CX3CL1: variants seen among roughly 807,000 people sequenced by gnomAD.
The protein encoded by CX3CL1 is C-X3-C motif chemokine ligand 1.
In CX3CL1, 1 loss-of-function variant was observed where a neutral mutation model predicts 14.1. The ratio of observed to expected loss-of-function variants is 0.07; its 90% CI spans 0.03 to 0.34. CX3CL1 has a LOEUF of 0.34. Ranked by LOEUF, CX3CL1 falls within the 10% of genes least tolerant of loss-of-function variation. CX3CL1 has a pLI of 0.99. For synonymous variants in CX3CL1, 255 were observed against 229.6 expected (o/e 1.11, Z -1.00); for missense variants, 505 against 536.4 (o/e 0.94, Z 0.58).
At chr16:57,375,475 A>G (rs958638812) in intron 1 of CX3CL1, among the ~76,000 whole-genome samples, 17 of 152,248 alleles carry the variant, frequency 1.1e-4, no homozygotes, top group African/African-American at 4.1e-4. Context: ...CAGCCCCCAA[A>G]ACAAAGAATT....
chr16:57,380,066 G>A (rs759541995), intron 2 of CX3CL1, among the ~76,000 whole-genome samples: 1 of 152,150 alleles, frequency 6.6e-6, no homozygotes, highest in African/African-American at 2.4e-5. Context: ...CCCCACACTC[G>A]AACCCACTAT....
chr16:57,374,147 C>T (rs1251093357), intron 1 of CX3CL1, among the ~76,000 whole-genome samples: 1 of 152,152 alleles, frequency 6.6e-6, no homozygotes, highest in Admixed American at 6.5e-5. Context: ...TGACCAGGCT[C>T]ACCTTGGAAG....
rs1194654332 is a variant in CX3CL1 at position 57,382,262 on chromosome 16, CCTT to C, written c.429_431del (p.Ser144del). 1.2e-6 allele frequency: 2 copies of C among 1,609,234 alleles called. No homozygotes were observed. The highest frequency in any genetic ancestry group is 1.7e-5 in the Admixed American group (1 of 59,854). ...CGAAAGCAGTAGCCTGGAGCCGACT[CCTT>C]CTTCCCAGGAAGCACAGAGGGCCCT... On this transcript the variant is annotated inframe_deletion, in exon 3 of 3. Transcript: ENST00000006053. The surrounding 1 kb of genome is among the most constrained non-coding windows in gnomAD (Gnocchi z 6.9).
Position 57,372,531 on chromosome 16 carries a change from T to G in CX3CL1, c.-38T>G, listed in dbSNP as rs750583203. 4.4e-6 allele frequency: 7 copies of G among 1,600,900 alleles called. No homozygotes were observed. The highest frequency in any genetic ancestry group is 6.0e-6 in the Non-Finnish European group (7 of 1,174,246). On this transcript the variant is annotated 5_prime_UTR_variant, in exon 1 of 3. Transcript: ENST00000006053. The stretch of plus-strand genomic sequence containing the variant: ...GCTCTGCCGCCTGGCTCTAGCCGCC[T>G]GCCTGGCCCCCGCCGGGACTCTTGC...
At chr16:57,381,176 G>A (rs1162312809) in intron 2 of CX3CL1, among the ~76,000 whole-genome samples, 1 of 152,164 alleles carries the variant, frequency 6.6e-6, no homozygotes, top group Non-Finnish European at 1.5e-5. Flanking sequence ...TTCCTCATCT[G>A]TAAAATGGGG....
chr16:57,383,059 T>C lies in CX3CL1; in HGVS notation c.*27T>C, dbSNP rs778394649. ...CTCCTCTGGCCTGTGTCTAGTTGTTTGATTCAGACAGCTGCCTGGGATCCC... is the reference window on the plus strand; with the variant it reads ...CTCCTCTGGCCTGTGTCTAGTTGTTCGATTCAGACAGCTGCCTGGGATCCC... On this transcript the variant is annotated 3_prime_UTR_variant, in exon 3 of 3. Transcript: ENST00000006053. 1.1e-5 allele frequency: 15 copies of C among 1,376,436 alleles called. No homozygotes were observed. The highest frequency in any genetic ancestry group is 1.3e-5 in the Non-Finnish European group (14 of 1,056,448). 85.3% of individuals were successfully genotyped at this position (1,376,436 alleles called of 1,614,324 possible).
At chr16:57,380,055 A>G (rs111677057) in intron 2 of CX3CL1, among the ~76,000 whole-genome samples, 79 of 152,220 alleles carry the variant, frequency 5.2e-4, no homozygotes, top group African/African-American at 1.9e-3. Context: ...AGCACATGTT[A>G]CCCCACACTC....
In CX3CL1 at chr16:57,383,149, G is replaced by A; in HGVS notation, c.*117G>A. The A allele has an allele frequency of 1.0e-6, 1 of 979,722 alleles. No homozygotes were observed. The highest frequency in any genetic ancestry group is 1.4e-6 in the Non-Finnish European group (1 of 728,472). 60.7% of individuals were successfully genotyped at this position (979,722 alleles called of 1,614,324 possible). The stretch of plus-strand genomic sequence containing the variant: ...GCTGGGATGATTGGAGGGGGGAGGT[G>A]GGATCCTCCAGGTGCACAAGCTCCA... On this transcript the variant is annotated 3_prime_UTR_variant, in exon 3 of 3. Transcript: ENST00000006053.
chr16:57,377,821 A>T, intron 1 of CX3CL1: 1 of 152,096 alleles, frequency 6.6e-6, no homozygotes, highest in East Asian at 1.9e-4. Flanking sequence ...CTTGACTCAG[A>T]TCTGAAACTC....
intron 1 of CX3CL1, among the ~76,000 whole-genome samples, chr16:57,374,782 A>G (rs1197610332): frequency 6.6e-6 from 1 of 152,200 alleles, no homozygotes; most frequent in Non-Finnish European, 1.5e-5. Context: ...AGGACACATA[A>G]CACACAAAGT....
chr16:57,376,440 GTGGATGGATGGATGGATGGA>G (rs56202816), intron 1 of CX3CL1, among the ~76,000 whole-genome samples: 3 of 145,218 alleles, frequency 2.1e-5, no homozygotes, highest in African/African-American at 5.1e-5. Flanking sequence ...GAATCAGGAA[GTGGATGGATGGATGGATGGA>G]TGGATGGATG....
chr16:57,383,276 TGCTGCTG>T lies in CX3CL1; in HGVS notation c.*249_*255del. The T allele has an allele frequency of 2.6e-6, 1 of 378,026 alleles. No homozygotes were observed. The highest frequency in any genetic ancestry group is 4.7e-6 in the Non-Finnish European group (1 of 213,576). The allele number at this position is 378,026 out of a possible 1,614,324, so 23.4% of individuals were successfully genotyped here. A position where few individuals can be genotyped will look rare whatever the true frequency, so the allele number is the denominator to read the frequency against. ...TCACCCCAGCCCCAAAACTCTCCTC[TGCTGCTG>T]GCTGGTTAGAGGTTCCCTTTGACGC... On this transcript the variant is annotated 3_prime_UTR_variant, in exon 3 of 3. Coordinates refer to ENST00000006053, the MANE Select transcript of CX3CL1 (RefSeq NM_002996.6).
In CX3CL1 at chr16:57,382,300, C is replaced by G. The variant is rs141389026; in HGVS notation, c.462C>G (p.Ser154=). 1 of 1,606,390 alleles carries G rather than the reference C, an allele frequency of 6.2e-7. No homozygotes were observed. The highest frequency in any genetic ancestry group is 1.1e-5 in the South Asian group (1 of 90,700). The stretch of plus-strand genomic sequence containing the variant: ...AAGCACAGAGGGCCCTGGGGACCTC[C>G]CCAGAGCTGCCGACGGGCGTGACTG... ...SQEAQRALGT[S]PELPTGVTGS... The change falls in exon 3 of 3, where the codon TCC becomes TCG. Residue 154 remains serine (S), a synonymous_variant. Transcript: ENST00000006053. This position sits in a 1 kb window ranked among gnomAD's most constrained non-coding sequence, Gnocchi z 6.9.
rs776630809 is a variant in CX3CL1, at chr16:57,382,660, C to T, written c.822C>T (p.Ala274=). The T allele has an allele frequency of 8.1e-6, 13 of 1,612,674 alleles. No individual in the cohort carries two copies. The highest frequency in any genetic ancestry group is 1.7e-5 in the Admixed American group (1 of 59,916). The change falls in exon 3 of 3, where the codon GCC becomes GCT. Residue 274 remains alanine (A), a synonymous_variant. Transcript: ENST00000006053. This position sits in a 1 kb window ranked among gnomAD's most constrained non-coding sequence, Gnocchi z 6.9. ...EMGPVPAHTD[A]FQDWGPGSMA... is the part of the protein sequence containing the mutation. ...GTCCCGTGCCAGCGCACACGGATGCCTTCCAGGACTGGGGGCCTGGCAGCA... is the reference window on the plus strand; with the variant it reads ...GTCCCGTGCCAGCGCACACGGATGCTTTCCAGGACTGGGGGCCTGGCAGCA...
Position 57,385,038 on chromosome 16 carries a change from T to C in CX3CL1, c.*2006T>C, listed in dbSNP as rs2146518807. On this transcript the variant is annotated 3_prime_UTR_variant, in exon 3 of 3. Coordinates refer to ENST00000006053, the MANE Select transcript of CX3CL1 (RefSeq NM_002996.6). ...ATTTTACTAATAAAATTTAAAAGTC[T>C]TGTGAATCAATATGGGTGATTTCTC... 1 of 152,300 alleles carries C rather than the reference T, an allele frequency of 6.6e-6. No homozygotes were observed. Among genetic ancestry groups the C allele is most frequent in the African/African-American group, 2.4e-5 (1 of 41,560 alleles). The allele number at this position is 152,300 out of a possible 1,614,324, so 9.4% of individuals were successfully genotyped here. A position where few individuals can be genotyped will look rare whatever the true frequency, so the allele number is the denominator to read the frequency against.
chr16:57,377,987 G>A (rs1199231951), intron 1 of CX3CL1: 1 of 152,152 alleles, frequency 6.6e-6, no homozygotes, highest in Non-Finnish European at 1.5e-5. Flanking sequence ...TCCTGTCCCG[G>A]GGTTTCTCTC....
chr16:57,377,702 G>A lies in CX3CL1; in HGVS notation c.71-1932G>A, dbSNP rs574860607. 6 of 152,224 alleles carry A rather than the reference G, an allele frequency of 3.9e-5. No homozygotes were observed. In the South Asian group the frequency reaches 1.2e-3, roughly 32 times the overall value. 9.4% of individuals were successfully genotyped at this position (152,224 alleles called of 1,614,324 possible). On this transcript the variant is annotated intron_variant, in intron 1 of 2. Coordinates refer to ENST00000006053, the MANE Select transcript of CX3CL1 (RefSeq NM_002996.6). ...CTGGTGGAGCCCAGGGATGCCCTGG[G>A]GGTTTCCCAGGCTCTGAAGGGCTAG...
At chr16:57,381,754 C>G (rs1902322409) in intron 2 of CX3CL1, among the ~76,000 whole-genome samples, 7 of 152,066 alleles carry the variant, frequency 4.6e-5, no homozygotes, top group Admixed American at 4.6e-4. Context: ...GGAAAGTCCC[C>G]CATCCTAAGC....
Position 57,382,016 on chromosome 16 carries a change from T to C in CX3CL1, c.192-14T>C, listed in dbSNP as rs762156934. The C allele has an allele frequency of 6.4e-7, 1 of 1,560,154 alleles. No homozygotes were observed. Among genetic ancestry groups the C allele is most frequent in the Non-Finnish European group, 8.7e-7 (1 of 1,147,776 alleles). ...ATCTGGGCATAACCGAATCCCTGTC[T>C]TCCTCCCTTGTAGCTTGGAGACGAG... is the stretch of plus-strand genomic sequence containing the variant. On this transcript the variant is annotated splice_polypyrimidine_tract_variant and intron_variant, in intron 2 of 2. Coordinates refer to ENST00000006053, the MANE Select transcript of CX3CL1 (RefSeq NM_002996.6). This position sits in a 1 kb window ranked among gnomAD's most constrained non-coding sequence, Gnocchi z 6.9.
Sources: gnomAD v4.1 joint callset for allele counts (sites outside exome capture counted in the v4.1 genomes callset) on GRCh38, gnomAD v4.1.1 for gene constraint, Gnocchi (gnomAD v3.1) non-coding constraint, MANE v1.5 for transcripts, NCBI Gene and HGNC (gene_info 2026-07-23, HGNC 2026-07-21) for gene names.